The following ADAM17 variants were observed in gnomAD, a reference collection of about 807,000 sequenced individuals.
ADAM17 encodes disintegrin and metalloproteinase domain-containing protein 17.
A neutral mutation model predicts 96.7 loss-of-function variants in ADAM17; 39 were observed. The observed-to-expected ratio is 0.40, with a 90% CI of 0.31 to 0.53. The LOEUF is 0.53. Ranked by LOEUF, ADAM17 falls within the 20% of genes least tolerant of loss-of-function variation. The pLI is 0.44. For missense variants in ADAM17, 777 were observed against 1,013.2 expected (o/e 0.77, Z 3.17); for synonymous variants, 344 against 359.2 (o/e 0.96, Z 0.48).
chr2:9,548,680 G>A (rs1383098501), intron 1 of ADAM17, among the ~76,000 whole-genome samples: 1 of 152,092 alleles, frequency 6.6e-6, no homozygotes, highest in African/African-American at 2.4e-5. Flanking sequence ...GACTTCCTTT[G>A]CATTAAGTCA....
rs139956834 is a variant in ADAM17 at position 9,544,296 on chromosome 2, T to G, written c.98-1011A>C. ...GGCTCACACCTGTAATCCCAGCACT[T>G]TGGGAGGCCAAGGATCACCTGAAGC... On this transcript the variant is annotated intron_variant, in intron 1 of 18. Coordinates refer to ENST00000310823, the MANE Select transcript of ADAM17 (RefSeq NM_003183.6). Among the ~76,000 whole-genome samples, 27 of 152,298 alleles carry G rather than the reference T, an allele frequency of 1.8e-4. No homozygotes were observed. The East Asian group carries it at 3.7e-3, about 21-fold the overall frequency.
Position 9,492,937 on chromosome 2 carries a change from CAAG to C in ADAM17, c.2040_2042del (p.Leu681del). ...GAATGCTGAAAGGAATCCAAAATAT[CAAG>C]GAGAAAACCAGGACAGACCCAACGA... On this transcript the variant is annotated inframe_deletion, in exon 17 of 19. Coordinates refer to ENST00000310823, the MANE Select transcript of ADAM17 (RefSeq NM_003183.6). 6.2e-7 allele frequency: 1 copy of C among 1,612,926 alleles called. No homozygotes were observed. The highest frequency in any genetic ancestry group is 8.5e-7 in the Non-Finnish European group (1 of 1,179,352).
intron 13 of ADAM17, among the ~76,000 whole-genome samples, chr2:9,499,352 G>A (rs1300040791): frequency 6.6e-6 from 1 of 152,054 alleles, no homozygotes; most frequent in Non-Finnish European, 1.5e-5. Flanking sequence ...AGCATAGCTA[G>A]CAAATGCTTC....
chr2:9,502,425 C>T, intron 12 of ADAM17, 149 bp from the exon 13 acceptor site: 2 of 654,608 alleles, frequency 3.1e-6, no homozygotes, highest in Non-Finnish European at 5.3e-6. Context: ...GACATCTCCG[C>T]TGCTAGAGCT....
intron 8 of ADAM17, among the ~76,000 whole-genome samples, chr2:9,520,577 T>G (rs187355003): frequency 6.6e-6 from 1 of 152,228 alleles, no homozygotes; most frequent in Non-Finnish European, 1.5e-5. Context: ...AATGAAACAG[T>G]GTGCAAAAAC....
chr2:9,535,074 A>G (rs1664906242), intron 4 of ADAM17, among the ~76,000 whole-genome samples: 1 of 152,244 alleles, frequency 6.6e-6, no homozygotes, highest in Non-Finnish European at 1.5e-5. Context: ...ACTAACAGTC[A>G]TGTAGATTGG....
chr2:9,533,204 T>C (rs1220131562), intron 4 of ADAM17, among the ~76,000 whole-genome samples: 1 of 149,112 alleles, frequency 6.7e-6, no homozygotes, highest in Non-Finnish European at 1.5e-5. Flanking sequence ...AAAAAAAATG[T>C]AATCTGAGCA....
In ADAM17 at chr2:9,494,668, T is replaced by C; in HGVS notation, c.1883A>G (p.Lys628Arg). 1 of 1,614,142 alleles carries C rather than the reference T, an allele frequency of 6.2e-7. No homozygotes were observed. Among genetic ancestry groups the C allele is most frequent in the Non-Finnish European group, 8.5e-7 (1 of 1,179,970 alleles). ...EQKNLFLRKG[K>R]PCTVGFCDMN... is the part of the protein sequence containing the mutation. Reference sequence around the variant, plus strand: ...GTCACAAAATCCTACTGTACAGGGCTTTCCTTTCCTCAAAAATAAGTTCTT... The same window carrying C: ...GTCACAAAATCCTACTGTACAGGGCCTTCCTTTCCTCAAAAATAAGTTCTT... The change falls in exon 15 of 19, where the codon AAG (lysine) becomes AGG (arginine). Residue 628 changes from lysine (K) to arginine (R), a missense_variant. Physicochemically the swap from Lys to Arg is conservative, Grantham distance 26. This residue lies in a region of ADAM17 where 446 missense variants were observed against 664.7 expected (regional missense o/e 0.67). Transcript: ENST00000310823.
At chr2:9,542,764 T>A (rs1665259683) in intron 2 of ADAM17, among the ~76,000 whole-genome samples, 1 of 152,228 alleles carries the variant, frequency 6.6e-6, no homozygotes, top group African/African-American at 2.4e-5. Context: ...AGTGGCACCA[T>A]CTCGGCTAGT....
rs189977384 is a variant in ADAM17, at chr2:9,515,607, G to A, written c.1191+2294C>T. Among the ~76,000 whole-genome samples the A allele has an allele frequency of 4.8e-4, 73 of 151,882 alleles. 1 individual carries two copies. The East Asian group carries it at 0.013, about 28-fold the overall frequency. On this transcript the variant is annotated intron_variant, in intron 10 of 18. Transcript: ENST00000310823. Reference sequence around the variant, plus strand: ...CAAAAATTAGCTGGGAGTGGCAGCGGGCACCTGTAATCCCAGCTACTCAGG... The same window carrying A: ...CAAAAATTAGCTGGGAGTGGCAGCGAGCACCTGTAATCCCAGCTACTCAGG...
intron 2 of ADAM17, among the ~76,000 whole-genome samples, chr2:9,542,672 A>C (rs565528306): frequency 6.6e-6 from 1 of 152,292 alleles, no homozygotes; most frequent in Admixed American, 6.5e-5. Flanking sequence ...TTTTTTAAAA[A>C]TACTCATCAG....
intron 11 of ADAM17, 25 bp from the exon 12 acceptor site, chr2:9,505,390 A>T: frequency 6.3e-7 from 1 of 1,583,530 alleles, no homozygotes; most frequent in Non-Finnish European, 8.7e-7. Flanking sequence ...GGCAATAAGG[A>T]CCCAAAATAA....
chr2:9,554,906 C>T (rs1222285064), intron 1 of ADAM17, among the ~76,000 whole-genome samples: 2 of 152,102 alleles, frequency 1.3e-5, no homozygotes, highest in African/African-American at 2.4e-5. Context: ...CAGGTTTCCG[C>T]CTCCCCCCAT....
At chr2:9,543,444 G>A (rs1420373808) in intron 1 of ADAM17, among the ~76,000 whole-genome samples, 159 bp from the exon 2 acceptor site, 1 of 152,146 alleles carries the variant, frequency 6.6e-6, no homozygotes, top group Non-Finnish European at 1.5e-5. Flanking sequence ...AAACTCCACT[G>A]CCTCTTCCAA....
chr2:9,504,225 T>C (rs760023827), intron 12 of ADAM17, among the ~76,000 whole-genome samples: 25 of 151,500 alleles, frequency 1.7e-4, no homozygotes, highest in Admixed American at 7.2e-4. Context: ...GGTGGGCAGA[T>C]CATGAAGTCA....
At chr2:9,513,210 G>A (rs756396390) in intron 10 of ADAM17, among the ~76,000 whole-genome samples, 3 of 152,062 alleles carry the variant, frequency 2.0e-5, no homozygotes, top group Non-Finnish European at 4.4e-5. Context: ...GGTCAGGCTG[G>A]TCTCAAACTC....
In ADAM17 at chr2:9,494,778, GAACACGCATTGA is replaced by G; in HGVS notation, c.1784-23_1784-12del. 2 of 1,613,676 alleles carry G rather than the reference GAACACGCATTGA, an allele frequency of 1.2e-6. No homozygotes were observed. The highest frequency in any genetic ancestry group is 1.7e-6 in the Non-Finnish European group (2 of 1,179,738). ...AGGAGTTGTCAGTTTCTGGAACAGAGAACACGCATTGACAGCTGGATTGTTCTGAGACCTGCC... is the reference window on the plus strand; with the variant it reads ...AGGAGTTGTCAGTTTCTGGAACAGAGCAGCTGGATTGTTCTGAGACCTGCC... On this transcript the variant is annotated splice_polypyrimidine_tract_variant and intron_variant, in intron 14 of 18. Transcript: ENST00000310823.
rs34863481 is a variant in ADAM17 at position 9,518,259 on chromosome 2, CAAAAAAAAAAAA to C, written c.958-24_958-13del. Reference sequence around the variant, plus strand: ...TCAAAGCTAAATTGCTTTGAAAGACCAAAAAAAAAAAAAAAAAAAAAAGCATTCTTAGATTAA... The same window carrying C: ...TCAAAGCTAAATTGCTTTGAAAGACCAAAAAAAAAAGCATTCTTAGATTAA... On this transcript the variant is annotated splice_polypyrimidine_tract_variant and intron_variant, in intron 8 of 18. Coordinates refer to ENST00000310823, the MANE Select transcript of ADAM17 (RefSeq NM_003183.6). 1.2e-5 allele frequency: 10 copies of C among 817,324 alleles called. No homozygotes were observed. Among genetic ancestry groups the C allele is most frequent in the African/African-American group, 6.2e-5 (2 of 32,324 alleles). 50.6% of individuals were successfully genotyped at this position (817,324 alleles called of 1,614,324 possible). A position where few individuals can be genotyped will look rare whatever the true frequency, so the allele number is the denominator to read the frequency against.
chr2:9,512,425 T>C (rs1663794397), intron 10 of ADAM17: 2 of 152,242 alleles, frequency 1.3e-5, no homozygotes, highest in Non-Finnish European at 2.9e-5. Flanking sequence ...TGTATGTTTC[T>C]GTCCATGGCT....
Sources: gnomAD v4.1 joint callset for allele counts (sites outside exome capture counted in the v4.1 genomes callset) on GRCh38, gnomAD v4.1.1 for gene constraint, gnomAD v4.1.1 regional missense constraint, MANE v1.5 for transcripts, NCBI Gene and HGNC (gene_info 2026-07-23, HGNC 2026-07-21) for gene names.